The following SENP5 variants were observed in gnomAD, a reference collection of about 807,000 sequenced individuals.
SENP5 encodes SUMO specific peptidase 5, also known as sentrin-specific protease 5.
A neutral mutation model predicts 74.2 loss-of-function variants in SENP5; 21 were observed. The ratio of observed to expected loss-of-function variants is 0.28; its 90% confidence interval spans 0.20 to 0.41. The LOEUF is 0.41. Among genes scored for constraint, SENP5 ranks in the 10% least tolerant of loss-of-function variants. The pLI is 1.00. For missense variants in SENP5, 717 were observed against 889.1 expected, an observed-to-expected ratio of 0.81 and a Z score of 2.46; for synonymous variants, 311 against 312.7, an observed-to-expected ratio of 0.99 and a Z score of 0.06.
At chr3:196,891,926 G>C (rs796867169) in intron 2 of SENP5, among the ~76,000 whole-genome samples, 26 of 150,890 alleles carry the variant, frequency 1.7e-4, no homozygotes, top group African/African-American at 6.3e-4. Context: ...GAGTAGCTGG[G>C]ACTATAGGCA....
chr3:196,904,119 A>G (rs1467146915), intron 6 of SENP5, among the ~76,000 whole-genome samples: 1 of 152,250 alleles, frequency 6.6e-6, no homozygotes, highest in African/African-American at 2.4e-5. Flanking sequence ...TCCAAAAACC[A>G]TGTACCTAAT....
At chr3:196,894,192 C>T (rs1005669265) in intron 2 of SENP5, among the ~76,000 whole-genome samples, 14 of 134,904 alleles carry the variant, frequency 1.0e-4, no homozygotes, top group Admixed American at 5.6e-4. Flanking sequence ...GGCGTGATCT[C>T]GGCTCACGGT....
In SENP5 at chr3:196,885,883, G is replaced by T; in HGVS notation, c.702G>T (p.Glu234Asp). 1 of 1,613,642 alleles carries T rather than the reference G, an allele frequency of 6.2e-7. No individual in the cohort carries two copies. Among genetic ancestry groups the T allele is most frequent in the Non-Finnish European group, 8.5e-7 (1 of 1,179,946 alleles). The change falls in exon 2 of 10, where the codon GAG (glutamate) becomes GAT (aspartate). Residue 234 changes from glutamate (E) to aspartate (D), a missense_variant. By Grantham distance (45) the Glu-to-Asp change is conservative. Coordinates refer to ENST00000323460, the MANE Select transcript of SENP5 (RefSeq NM_152699.5). ...AATTATCTCCTCTTATGATGTATGAGAAATTATCCATGATTAGATTTCGGT... is the reference window on the plus strand; with the variant it reads ...AATTATCTCCTCTTATGATGTATGATAAATTATCCATGATTAGATTTCGGT... ...RIKLSPLMMY[E>D]KLSMIRFRYR...
chr3:196,899,156 T>C (rs1261109383), intron 2 of SENP5, among the ~76,000 whole-genome samples: 3 of 151,992 alleles, frequency 2.0e-5, no homozygotes, highest in South Asian at 2.1e-4. Flanking sequence ...GTGTCATGAG[T>C]ATAATAACTT....
chr3:196,908,285 A>G (rs1417958673), intron 6 of SENP5, among the ~76,000 whole-genome samples: 1 of 152,034 alleles, frequency 6.6e-6, no homozygotes, highest in Admixed American at 6.6e-5. Flanking sequence ...GTCTCAATTT[A>G]AAACAAATAA....
intron 2 of SENP5, among the ~76,000 whole-genome samples, chr3:196,898,685 C>T (rs541444716): frequency 7.9e-5 from 12 of 152,112 alleles, no homozygotes; most frequent in Admixed American, 2.0e-4. Flanking sequence ...GAGGCCGAGG[C>T]GGGCGGATCA....
At chr3:196,916,187 C>T (rs961310913) in intron 6 of SENP5, among the ~76,000 whole-genome samples, 4 of 151,856 alleles carry the variant, frequency 2.6e-5, no homozygotes, top group African/African-American at 4.8e-5. Context: ...ATTAGCTGGG[C>T]GTGGTGGCGG....
intron 1 of SENP5, among the ~76,000 whole-genome samples, chr3:196,880,796 G>A (rs1298542758): frequency 6.6e-6 from 1 of 151,536 alleles, no homozygotes; most frequent in African/African-American, 2.4e-5. Context: ...ATGTGCCACC[G>A]TGCCCGGCTA....
In SENP5 at chr3:196,932,487, C is replaced by T. The variant is rs1473187470; in HGVS notation, c.*1564C>T. The T allele has an allele frequency of 2.0e-5, 3 of 152,258 alleles. No homozygotes were observed. The highest frequency in any genetic ancestry group is 4.4e-5 in the Non-Finnish European group (3 of 68,124). The allele number at this position is 152,258 out of a possible 1,614,324, so 9.4% of individuals were successfully genotyped here. A position where few individuals can be genotyped will look rare whatever the true frequency, so the allele number is the denominator to read the frequency against. On this transcript the variant is annotated 3_prime_UTR_variant, in exon 10 of 10. Transcript: ENST00000323460. ...GTGACACTGGGAAGCAGCCCCAGCA[C>T]TTTCCTCTCCTGAGTCCTCCAGACC...
chr3:196,889,208 C>T (rs1024875999), intron 2 of SENP5, among the ~76,000 whole-genome samples: 5 of 150,746 alleles, frequency 3.3e-5, no homozygotes, highest in Admixed American at 2.6e-4. Context: ...AAAAAAACAA[C>T]ACCAAAAAAC....
intron 1 of SENP5, among the ~76,000 whole-genome samples, chr3:196,878,581 T>C (rs539551647): frequency 1.3e-5 from 2 of 152,166 alleles, no homozygotes; most frequent in Non-Finnish European, 2.9e-5. Flanking sequence ...ACAACATGTC[T>C]TTAAATTACC....
chr3:196,870,825 T>C (rs1016486189), intron 1 of SENP5, among the ~76,000 whole-genome samples: 1 of 151,990 alleles, frequency 6.6e-6, no homozygotes, highest in Non-Finnish European at 1.5e-5. Flanking sequence ...GTCAGCAGCA[T>C]GTTGATTTTC....
At chr3:196,879,747 CTG>C (rs574159732) in intron 1 of SENP5, among the ~76,000 whole-genome samples, 50 of 152,230 alleles carry the variant, frequency 3.3e-4, no homozygotes, top group Admixed American at 5.2e-4. Context: ...ACTTACATCT[CTG>C]TAAACCTTTT....
chr3:196,917,786 C>T (rs941531250), intron 6 of SENP5, among the ~76,000 whole-genome samples: 1 of 152,134 alleles, frequency 6.6e-6, no homozygotes, highest in Non-Finnish European at 1.5e-5. Context: ...CAATATCAGA[C>T]CTGACCTATA....
At chr3:196,914,586 A>AAAATATATATATATATATATAT in intron 6 of SENP5, 1 of 33,510 alleles carries the variant, frequency 3.0e-5, no homozygotes, top group Non-Finnish European at 5.1e-5. Flanking sequence ...AAAAAAAAAA[A>AAAATATATATATATATATATAT]ATATATATAT....
At chr3:196,891,623 GA>G (rs1436424805) in intron 2 of SENP5, among the ~76,000 whole-genome samples, 2 of 152,120 alleles carry the variant, frequency 1.3e-5, no homozygotes, top group Non-Finnish European at 2.9e-5. Flanking sequence ...TAGATTTAGC[GA>G]GACTCTATTG....
At chr3:196,922,742 C>G (rs1211803938) in intron 6 of SENP5, among the ~76,000 whole-genome samples, 1 of 152,164 alleles carries the variant, frequency 6.6e-6, no homozygotes, top group Admixed American at 6.5e-5. Flanking sequence ...GAACCTCAGC[C>G]TACCAAGTAA....
intron 6 of SENP5, among the ~76,000 whole-genome samples, chr3:196,920,055 CT>C (rs1715546216): frequency 6.6e-6 from 1 of 152,102 alleles, no homozygotes; most frequent in South Asian, 2.1e-4. Flanking sequence ...ATTCTGAGTC[CT>C]TTGCATTTTC....
chr3:196,920,630 A>G (rs1190226586), intron 6 of SENP5, among the ~76,000 whole-genome samples: 1 of 152,186 alleles, frequency 6.6e-6, no homozygotes, highest in African/African-American at 2.4e-5. Context: ...GTTTTTCACT[A>G]CTGTGTATGG....
Sources: gnomAD v4.1 joint callset for allele counts (sites outside exome capture counted in the v4.1 genomes callset) on GRCh38, gnomAD v4.1.1 for gene constraint, MANE v1.5 for transcripts, NCBI Gene and HGNC (gene_info 2026-07-23, HGNC 2026-07-21) for gene names.